Variants in PPFIA2 observed in about 807,000 individuals in gnomAD.
The protein encoded by PPFIA2 is liprin-alpha-2.
Under a neutral mutation model 175.5 loss-of-function variants are expected in PPFIA2, and 46 were observed. That is an observed-to-expected ratio of 0.26 (90% CI 0.21 to 0.34). PPFIA2 has a LOEUF of 0.34. Ranked by LOEUF, PPFIA2 falls within the 10% of genes least tolerant of loss-of-function variation. The pLI is 1.00. For missense variants in PPFIA2, 1,179 were observed against 1,506.1 expected (o/e 0.78, Z 3.60); for synonymous variants, 568 against 511.4 (o/e 1.11, Z -1.49).
intron 3 of PPFIA2, among the ~76,000 whole-genome samples, chr12:81,698,371 T>G (rs1453231750): frequency 1.3e-5 from 2 of 152,102 alleles, no homozygotes; most frequent in African/African-American, 4.8e-5. Context: ...ATGCTCTCAC[T>G]CTTAAACATG....
chr12:81,372,505 T>A (rs2035378307), intron 11 of PPFIA2, among the ~76,000 whole-genome samples: 6 of 123,032 alleles, frequency 4.9e-5, no homozygotes, highest in African/African-American at 6.6e-5. Context: ...CAGAAACAAA[T>A]TGAAACAGAA....
chr12:81,462,607 T>TAA (rs386377150), intron 4 of PPFIA2, among the ~76,000 whole-genome samples: 7 of 113,216 alleles, frequency 6.2e-5, no homozygotes, highest in Non-Finnish European at 7.8e-5. Context: ...TATATATATA[T>TAA]AATATAGCGA....
chr12:81,334,489 C>CA (rs34576372), intron 21 of PPFIA2, among the ~76,000 whole-genome samples: 41,391 of 145,710 alleles, frequency 0.28, 7,452 homozygotes, highest in Non-Finnish European at 0.41. Context: ...CTCCCTCCAC[C>CA]AAAAAAAAAA....
chr12:81,489,254 A>G (rs1438397342), intron 4 of PPFIA2, among the ~76,000 whole-genome samples: 2 of 151,764 alleles, frequency 1.3e-5, no homozygotes, highest in Non-Finnish European at 2.9e-5. Context: ...CTATATATAC[A>G]TCTAATAATA....
At chr12:81,317,494 T>C (rs1465410578) in intron 22 of PPFIA2, among the ~76,000 whole-genome samples, 1 of 120,636 alleles carries the variant, frequency 8.3e-6, no homozygotes, top group Non-Finnish European at 1.8e-5. Context: ...AAGAAGAAAA[T>C]CAACAGATTT....
intron 3 of PPFIA2, among the ~76,000 whole-genome samples, chr12:81,722,749 T>C (rs950588743): frequency 1.5e-4 from 23 of 150,966 alleles, no homozygotes; most frequent in African/African-American, 5.3e-4. Context: ...AATATTAAAT[T>C]TATGTTCCAA....
chr12:81,522,291 T>C (rs1435590230), intron 4 of PPFIA2, among the ~76,000 whole-genome samples: 2 of 152,194 alleles, frequency 1.3e-5, no homozygotes, highest in African/African-American at 4.8e-5. Context: ...CACCTTCTTT[T>C]TAGAAATATT....
intron 7 of PPFIA2, among the ~76,000 whole-genome samples, chr12:81,411,643 C>A (rs1318440758): frequency 1.3e-5 from 2 of 152,038 alleles, no homozygotes; most frequent in African/African-American, 4.8e-5. Flanking sequence ...CTTCTAGCTC[C>A]TTGCCTGTGA....
intron 7 of PPFIA2, among the ~76,000 whole-genome samples, chr12:81,418,065 C>G (rs2045623582): frequency 6.6e-6 from 1 of 151,758 alleles, no homozygotes; most frequent in Non-Finnish European, 1.5e-5. Context: ...ATTTAAAACT[C>G]ACAACATCAT....
rs1395315819 is a variant in PPFIA2, at chr12:81,258,662, G to A, written c.*1032C>T. 1.3e-5 allele frequency: 2 copies of A among 151,972 alleles called. No individual in the cohort carries two copies. Among genetic ancestry groups the A allele is most frequent in the East Asian group, 1.9e-4 (1 of 5,172 alleles). 9.4% of individuals were successfully genotyped at this position (151,972 alleles called of 1,614,324 possible). Reference sequence around the variant, plus strand: ...AGGGAAGTCGCAACAAGGCCATCTCGGCTAAAAGCTTATAACATTAGACAT... The same window carrying A: ...AGGGAAGTCGCAACAAGGCCATCTCAGCTAAAAGCTTATAACATTAGACAT... On this transcript the variant is annotated 3_prime_UTR_variant, in exon 33 of 33. Coordinates refer to ENST00000549396, the MANE Select transcript of PPFIA2 (RefSeq NM_003625.5).
chr12:81,468,863 A>C (rs984946107), intron 4 of PPFIA2, among the ~76,000 whole-genome samples: 2 of 151,458 alleles, frequency 1.3e-5, no homozygotes, highest in African/African-American at 4.8e-5. Context: ...ATAATATGTT[A>C]TATCAATATA....
intron 7 of PPFIA2, among the ~76,000 whole-genome samples, chr12:81,420,899 A>C (rs868166693): frequency 1.3e-5 from 2 of 152,182 alleles, no homozygotes; most frequent in Middle Eastern, 3.4e-3. Flanking sequence ...TCAAGGACAA[A>C]GAGATTAGAA....
At chr12:81,711,053 G>A (rs1383281704) in intron 3 of PPFIA2, among the ~76,000 whole-genome samples, 1 of 150,920 alleles carries the variant, frequency 6.6e-6, no homozygotes, top group Non-Finnish European at 1.5e-5. Flanking sequence ...AACATAGAGA[G>A]ACCTCTTCAC....
intron 3 of PPFIA2, among the ~76,000 whole-genome samples, chr12:81,683,976 A>G (rs1313032239): frequency 6.6e-6 from 1 of 152,004 alleles, no homozygotes; most frequent in African/African-American, 2.4e-5. Flanking sequence ...ATAAAGAGAG[A>G]ACCCACTCAC....
At chr12:81,433,353 C>T (rs1319576018) in intron 7 of PPFIA2, among the ~76,000 whole-genome samples, 2 of 152,162 alleles carry the variant, frequency 1.3e-5, no homozygotes, top group African/African-American at 2.4e-5. Context: ...GCACAGAATA[C>T]GCTTATTCTC....
At chr12:81,689,033 T>G (rs2074877404) in intron 3 of PPFIA2, among the ~76,000 whole-genome samples, 1 of 151,566 alleles carries the variant, frequency 6.6e-6, no homozygotes, top group Non-Finnish European at 1.5e-5. Context: ...TTCAGCTGAA[T>G]ATTAAGTATT....
At chr12:81,539,325 T>G (rs2065871585) in intron 4 of PPFIA2, among the ~76,000 whole-genome samples, 1 of 151,894 alleles carries the variant, frequency 6.6e-6, no homozygotes, top group Non-Finnish European at 1.5e-5. Flanking sequence ...TACAAAATGA[T>G]ATTTAAAGTC....
chr12:81,553,678 G>C (rs1488678317), intron 4 of PPFIA2, among the ~76,000 whole-genome samples: 1 of 152,052 alleles, frequency 6.6e-6, no homozygotes, highest in African/African-American at 2.4e-5. Flanking sequence ...AACCATCCTT[G>C]CTTGACACCA....
chr12:81,527,472 A>C (rs1360312493), intron 4 of PPFIA2, among the ~76,000 whole-genome samples: 1 of 152,060 alleles, frequency 6.6e-6, no homozygotes, highest in East Asian at 1.9e-4. Context: ...GACTAATCTT[A>C]GCAAGGTCCA....
Sources: allele counts gnomAD v4.1 joint callset (sites outside exome capture counted in the v4.1 genomes callset), GRCh38; gene constraint gnomAD v4.1.1; transcripts MANE v1.5; gene names NCBI Gene and HGNC (gene_info 2026-07-23, HGNC 2026-07-21).